Variants in ADAMTS3 observed in about 807,000 individuals in gnomAD.
ADAMTS3 encodes the protein ADAM metallopeptidase with thrombospondin type 1 motif 3.
ADAMTS3 carries 73 observed loss-of-function variants against 129.0 expected under a neutral mutation model. The observed-to-expected ratio is 0.57, with a 90% confidence interval of 0.47 to 0.69. ADAMTS3 has a LOEUF of 0.69. Ranked by LOEUF, ADAMTS3 falls within the 30% of genes least tolerant of loss-of-function variation. ADAMTS3 has a pLI of 0.00. For missense variants in ADAMTS3, 1,457 were observed against 1,514.5 expected (o/e 0.96, Z 0.63); for synonymous variants, 477 against 510.8 (o/e 0.93, Z 0.89).
intron 3 of ADAMTS3, among the ~76,000 whole-genome samples, chr4:72,531,076 C>T (rs959429209): frequency 7.3e-5 from 11 of 151,374 alleles, no homozygotes; most frequent in African/African-American, 2.4e-4. Context: ...CAATAATTGG[C>T]CGAAAACACC....
chr4:72,542,763 C>G (rs1322695161), intron 3 of ADAMTS3, among the ~76,000 whole-genome samples: 1 of 152,108 alleles, frequency 6.6e-6, no homozygotes, highest in Non-Finnish European at 1.5e-5. Flanking sequence ...TTCAGACACT[C>G]CAAAATATCA....
At chr4:72,535,343 C>T (rs1190873235) in intron 3 of ADAMTS3, among the ~76,000 whole-genome samples, 1 of 152,186 alleles carries the variant, frequency 6.6e-6, no homozygotes, top group Non-Finnish European at 1.5e-5. Flanking sequence ...TAAATTCTCT[C>T]ATTAACTACT....
intron 4 of ADAMTS3, among the ~76,000 whole-genome samples, chr4:72,369,979 C>T (rs1720963504): frequency 6.6e-6 from 1 of 152,144 alleles, no homozygotes; most frequent in Non-Finnish European, 1.5e-5. Context: ...TCACCAGGTC[C>T]CAGAATGGGT....
At chr4:72,316,282 A>G (rs561743687) in intron 10 of ADAMTS3, among the ~76,000 whole-genome samples, 68 of 152,334 alleles carry the variant, frequency 4.5e-4, no homozygotes, top group Admixed American at 1.8e-3. Context: ...CTAAAGACTT[A>G]GTAATTATCA....
At chr4:72,452,429 T>C (rs1295696989) in intron 3 of ADAMTS3, among the ~76,000 whole-genome samples, 2 of 151,698 alleles carry the variant, frequency 1.3e-5, no homozygotes, top group Middle Eastern at 3.4e-3. Flanking sequence ...CCCAATTACC[T>C]CAAAAAAGTA....
At chr4:72,474,935 G>A (rs1170783858) in intron 3 of ADAMTS3, among the ~76,000 whole-genome samples, 1 of 151,040 alleles carries the variant, frequency 6.6e-6, no homozygotes, top group Admixed American at 6.6e-5. Flanking sequence ...GCTGAGGCAG[G>A]AGAATGGCGT....
chr4:72,409,888 T>C (rs950001904), intron 4 of ADAMTS3, among the ~76,000 whole-genome samples: 1 of 152,166 alleles, frequency 6.6e-6, no homozygotes, highest in Non-Finnish European at 1.5e-5. Flanking sequence ...ATGAATTCAA[T>C]AGTAATAGCC....
chr4:72,407,521 G>A (rs960885434), intron 4 of ADAMTS3, among the ~76,000 whole-genome samples: 4 of 152,050 alleles, frequency 2.6e-5, no homozygotes, highest in African/African-American at 9.7e-5. Flanking sequence ...ACTGAACTTA[G>A]GGAGCAAAAT....
intron 3 of ADAMTS3, among the ~76,000 whole-genome samples, chr4:72,449,254 C>G (rs920753806): frequency 2.0e-5 from 3 of 151,556 alleles, no homozygotes; most frequent in African/African-American, 7.3e-5. Context: ...ACCTCCAGCC[C>G]TAACCCCATC....
intron 3 of ADAMTS3, among the ~76,000 whole-genome samples, chr4:72,470,635 T>C (rs188510332): frequency 3.4e-4 from 52 of 152,010 alleles, no homozygotes; most frequent in Non-Finnish European, 5.4e-4. Flanking sequence ...GTCAAAACTA[T>C]TCTCACCCTA....
intron 21 of ADAMTS3, 43 bp from the exon 22 acceptor site, chr4:72,283,747 CATAAA>C (rs760397503): frequency 2.4e-5 from 35 of 1,459,420 alleles, no homozygotes; most frequent in South Asian, 4.4e-5. Context: ...AGCATCTAAA[CATAAA>C]ATAAAAGGAG....
At chr4:72,455,984 TATACTATATATATTTTAC>T (rs1718568772) in intron 3 of ADAMTS3, among the ~76,000 whole-genome samples, 1 of 70,128 alleles carries the variant, frequency 1.4e-5, no homozygotes, top group East Asian at 3.6e-4. Context: ...ATATAGTATA[TATACTATATATATTTTAC>T]ATATAGTATA....
intron 3 of ADAMTS3, among the ~76,000 whole-genome samples, chr4:72,523,030 AAAT>A (rs1358999802): frequency 2.6e-5 from 4 of 152,150 alleles, no homozygotes; most frequent in Non-Finnish European, 4.4e-5. Context: ...TAAATGGAAG[AAAT>A]AATGTCTGAA....
chr4:72,436,747 A>G (rs1282237148), intron 3 of ADAMTS3, among the ~76,000 whole-genome samples: 2 of 152,020 alleles, frequency 1.3e-5, no homozygotes, highest in African/African-American at 4.8e-5. Context: ...TCAGCAAACT[A>G]TCGCAAGGAC....
At chr4:72,514,989 C>T (rs1396054934) in intron 3 of ADAMTS3, among the ~76,000 whole-genome samples, 1 of 152,016 alleles carries the variant, frequency 6.6e-6, no homozygotes, top group South Asian at 2.1e-4. Flanking sequence ...TCCCCGCTAC[C>T]CCCACCCCAC....
intron 3 of ADAMTS3, among the ~76,000 whole-genome samples, chr4:72,436,592 A>C (rs1717932745): frequency 6.6e-6 from 1 of 152,138 alleles, no homozygotes; most frequent in South Asian, 2.1e-4. Flanking sequence ...AATAGCAAAG[A>C]CTTGGAACCA....
intron 15 of ADAMTS3, among the ~76,000 whole-genome samples, chr4:72,307,665 T>C (rs1042524104): frequency 6.6e-6 from 1 of 152,052 alleles, no homozygotes; most frequent in African/African-American, 2.4e-5. Flanking sequence ...GCCAATAAAC[T>C]GTTAATAGTC....
At chr4:72,540,918 G>T (rs374089223) in intron 3 of ADAMTS3, among the ~76,000 whole-genome samples, 1 of 152,238 alleles carries the variant, frequency 6.6e-6, no homozygotes, top group East Asian at 1.9e-4. Context: ...CTCTGCTAGG[G>T]CAGTGCAGAA....
intron 4 of ADAMTS3, among the ~76,000 whole-genome samples, chr4:72,399,271 A>G (rs1347004873): frequency 1.3e-5 from 2 of 152,122 alleles, no homozygotes; most frequent in Non-Finnish European, 2.9e-5. Flanking sequence ...CTCTACAAAA[A>G]AAGTAAAAGA....
Sources: allele counts gnomAD v4.1 joint callset (sites outside exome capture counted in the v4.1 genomes callset), GRCh38; gene constraint gnomAD v4.1.1; transcripts MANE v1.5; gene names NCBI Gene and HGNC (gene_info 2026-07-23, HGNC 2026-07-21).